KIF26B: variants seen among roughly 807,000 people sequenced by gnomAD.
KIF26B encodes kinesin-like protein KIF26B.
A neutral mutation model predicts 151.2 loss-of-function variants in KIF26B; 63 were observed. The observed-to-expected ratio is 0.42, with a 90% confidence interval of 0.34 to 0.51. KIF26B has a LOEUF of 0.51. KIF26B is among the 20% of genes least tolerant of loss of function. The probability of loss-of-function intolerance (pLI) is 0.07; values close to 1 mark genes in which losing one functional copy is unlikely to be tolerated. For synonymous variants in KIF26B, 1,357 were observed against 1,262.1 expected (o/e 1.08, Z -1.59); for missense variants, 2,813 against 2,913.6 (o/e 0.97, Z 0.79).
At chr1:245,158,269 T>C (rs1206049354) in intron 2 of KIF26B, among the ~76,000 whole-genome samples, 4 of 152,028 alleles carry the variant, frequency 2.6e-5, no homozygotes, top group African/African-American at 9.7e-5. Context: ...CCGATCAAAA[T>C]ACACTCTTCT....
At chr1:245,568,437 G>C (rs1287878529) in intron 5 of KIF26B, among the ~76,000 whole-genome samples, 1 of 150,842 alleles carries the variant, frequency 6.6e-6, no homozygotes, top group Non-Finnish European at 1.5e-5. Flanking sequence ...TTGAGCGTAG[G>C]AGGTTGAGGC....
intron 2 of KIF26B, among the ~76,000 whole-genome samples, chr1:245,290,921 G>A (rs1257665552): frequency 6.6e-6 from 1 of 152,252 alleles, no homozygotes; most frequent in East Asian, 1.9e-4. Context: ...CAGCTGGTCA[G>A]TGCTGGTTTC....
rs1174101384 is a variant in KIF26B at position 245,185,064 on chromosome 1, G to A, written c.465+28381G>A. On this transcript the variant is annotated intron_variant, in intron 2 of 14. Transcript: ENST00000407071. ...GCCAAATTTTTTATTGCTTCTCTGG[G>A]ATTATGCTAATCATTCAATTCAAAT... is the stretch of plus-strand genomic sequence containing the variant. Among the ~76,000 whole-genome samples, 3 of 152,186 alleles carry A rather than the reference G, an allele frequency of 2.0e-5. No individual in the cohort carries two copies. In the East Asian group the frequency reaches 5.8e-4, roughly 29 times the overall value.
In KIF26B at chr1:245,625,776, C is replaced by T. The variant is rs892393856; in HGVS notation, c.2098+13800C>T. Among the ~76,000 whole-genome samples, 4 of 151,940 alleles carry T rather than the reference C, an allele frequency of 2.6e-5. No individual in the cohort carries two copies. The South Asian group carries it at 8.3e-4, about 32-fold the overall frequency. On this transcript the variant is annotated intron_variant, in intron 9 of 14. Transcript: ENST00000407071. ...ACCCACCTGTTTTATCCCCCTCCCC[C>T]GGCACCCCACATCCCGCCCCTTCCC...
chr1:245,336,167 C>T (rs933227461), intron 2 of KIF26B, among the ~76,000 whole-genome samples: 8 of 151,984 alleles, frequency 5.3e-5, no homozygotes, highest in African/African-American at 1.9e-4. Flanking sequence ...AAGAAGGTCC[C>T]ACGCAGGGAA....
At chr1:245,649,660 C>T (rs2043993350) in intron 10 of KIF26B, among the ~76,000 whole-genome samples, 2 of 152,098 alleles carry the variant, frequency 1.3e-5, no homozygotes, top group South Asian at 4.1e-4. Flanking sequence ...AAACCAAATT[C>T]CATATTCTCT....
At chr1:245,515,446 C>T (rs1477161392) in intron 4 of KIF26B, among the ~76,000 whole-genome samples, 1 of 151,842 alleles carries the variant, frequency 6.6e-6, no homozygotes, top group Non-Finnish European at 1.5e-5. Flanking sequence ...CGAACGGATA[C>T]GTAAATGACA....
chr1:245,173,167 A>G (rs1413855033), intron 2 of KIF26B, among the ~76,000 whole-genome samples: 1 of 152,230 alleles, frequency 6.6e-6, no homozygotes, highest in Non-Finnish European at 1.5e-5. Flanking sequence ...ATATTATATG[A>G]TTCTGGTGAT....
At chr1:245,653,470 G>T (rs2044041055) in intron 10 of KIF26B, among the ~76,000 whole-genome samples, 2 of 152,152 alleles carry the variant, frequency 1.3e-5, no homozygotes, top group Admixed American at 1.3e-4. Flanking sequence ...TTCTCACTGT[G>T]CCTCACAAGC....
Position 245,366,821 on chromosome 1 carries a change from C to T in KIF26B, c.466-13C>T. Reference sequence around the variant, plus strand: ...TATAGAATCTCCTCTCCCTCTGCTTCTGTGTTCTGTAGGACCCTGCTTTCT... The same window carrying T: ...TATAGAATCTCCTCTCCCTCTGCTTTTGTGTTCTGTAGGACCCTGCTTTCT... On this transcript the variant is annotated splice_polypyrimidine_tract_variant and intron_variant, in intron 2 of 14. Transcript: ENST00000407071. The T allele has an allele frequency of 1.2e-6, 2 of 1,611,894 alleles. No individual in the cohort carries two copies. The highest frequency in any genetic ancestry group is 8.5e-7 in the Non-Finnish European group (1 of 1,178,204).
At chr1:245,178,814 G>C (rs927881026) in intron 2 of KIF26B, among the ~76,000 whole-genome samples, 7 of 152,300 alleles carry the variant, frequency 4.6e-5, no homozygotes, top group South Asian at 4.1e-4. Context: ...ACGTGGGCTT[G>C]CCACATGCAG....
At chr1:245,372,831 G>A (rs183689047) in intron 3 of KIF26B, among the ~76,000 whole-genome samples, 126 of 152,288 alleles carry the variant, frequency 8.3e-4, no homozygotes, top group Admixed American at 1.9e-3. Context: ...TAGGAGATTT[G>A]GAGACAGAGT....
At position 245,687,378 on chromosome 1, in the gene KIF26B, T is replaced by C; in HGVS notation, c.4395T>C (p.Thr1465=). 2 of 1,589,842 alleles carry C rather than the reference T, an allele frequency of 1.3e-6. No individual in the cohort carries two copies. The highest frequency in any genetic ancestry group is 2.7e-5 in the African/African-American group (2 of 74,516). The change falls in exon 12 of 15, where the codon ACT becomes ACC. Residue 1465 remains threonine (T), a synonymous_variant. Coordinates refer to ENST00000407071, the MANE Select transcript of KIF26B (RefSeq NM_018012.4). The surrounding 1 kb of genome is among the most constrained non-coding windows in gnomAD (Gnocchi z 4.9). ...PNEEGMMRCE[T]ATGPSNAETR... is the part of the protein sequence containing the mutation. ...AAGAAGGGATGATGAGGTGTGAGAC[T>C]GCCACGGGCCCCTCGAATGCTGAGA...
intron 3 of KIF26B, among the ~76,000 whole-genome samples, chr1:245,397,439 C>T (rs1000106223): frequency 1.3e-5 from 2 of 152,126 alleles, no homozygotes; most frequent in African/African-American, 4.8e-5. Context: ...TGGTATCGAA[C>T]TCCCGACCTC....
At chr1:245,250,698 T>A (rs1355662331) in intron 2 of KIF26B, among the ~76,000 whole-genome samples, 1 of 152,256 alleles carries the variant, frequency 6.6e-6, no homozygotes, top group Non-Finnish European at 1.5e-5. Flanking sequence ...TTTCATAGTT[T>A]TATTGACCAT....
intron 5 of KIF26B, among the ~76,000 whole-genome samples, chr1:245,553,569 G>A (rs748495799): frequency 4.6e-5 from 7 of 152,102 alleles, no homozygotes; most frequent in Non-Finnish European, 1.0e-4. Context: ...ATGGATTGCC[G>A]TGTGACTTAT....
chr1:245,508,540 CT>C (rs147167517), intron 4 of KIF26B, among the ~76,000 whole-genome samples: 28 of 149,414 alleles, frequency 1.9e-4, no homozygotes, highest in African/African-American at 2.2e-4. Flanking sequence ...TACAGTTCCT[CT>C]TTTTTTTTTA....
At chr1:245,173,602 C>A (rs78369889) in intron 2 of KIF26B, among the ~76,000 whole-genome samples, 113 of 152,270 alleles carry the variant, frequency 7.4e-4, no homozygotes, top group African/African-American at 2.5e-3. Context: ...TGCCTGGAGA[C>A]GCGGGCCGGG....
At chr1:245,524,231 T>G (rs1661190495) in intron 4 of KIF26B, among the ~76,000 whole-genome samples, 1 of 152,208 alleles carries the variant, frequency 6.6e-6, no homozygotes, top group African/African-American at 2.4e-5. Context: ...GCTCCCACTG[T>G]GTGCAGATCA....
Sources: gnomAD v4.1 joint callset for allele counts (sites outside exome capture counted in the v4.1 genomes callset) on GRCh38, gnomAD v4.1.1 for gene constraint, Gnocchi (gnomAD v3.1) non-coding constraint, MANE v1.5 for transcripts, NCBI Gene and HGNC (gene_info 2026-07-23, HGNC 2026-07-21) for gene names.